MLLT3: variants seen among roughly 807,000 people sequenced by gnomAD.
MLLT3 encodes the protein MLLT3 super elongation complex subunit, also known as protein AF-9.
MLLT3 carries 4 observed loss-of-function variants against 53.2 expected under a neutral mutation model. The observed-to-expected ratio is 0.08, with a 90% CI of 0.04 to 0.17. The LOEUF (loss-of-function observed/expected upper bound fraction) is 0.17. Among genes scored for constraint, MLLT3 ranks in the 10% least tolerant of loss-of-function variants. The pLI, the probability that MLLT3 is intolerant of heterozygous loss-of-function variation, is 1.00. For missense variants in MLLT3, 569 were observed against 684.0 expected, an observed-to-expected ratio of 0.83 and a Z score of 1.87; for synonymous variants, 283 against 230.6, an observed-to-expected ratio of 1.23 and a Z score of -2.06.
At chr9:20,496,848 C>T (rs536930571) in intron 2 of MLLT3, among the ~76,000 whole-genome samples, 2 of 152,292 alleles carry the variant, frequency 1.3e-5, no homozygotes, top group African/African-American at 4.8e-5. Context: ...TTAGGCCCAA[C>T]ATACCTATAC....
chr9:20,454,261 G>A (rs1013729791), intron 3 of MLLT3, among the ~76,000 whole-genome samples: 3 of 151,834 alleles, frequency 2.0e-5, no homozygotes, highest in South Asian at 2.1e-4. Flanking sequence ...GTGTGCACAC[G>A]CATGCGTGTG....
At chr9:20,591,968 T>A (rs905824339) in intron 2 of MLLT3, among the ~76,000 whole-genome samples, 2 of 152,146 alleles carry the variant, frequency 1.3e-5, no homozygotes, top group Non-Finnish European at 2.9e-5. Flanking sequence ...AAGTCCAGCC[T>A]AGGCAACACA....
intron 2 of MLLT3, among the ~76,000 whole-genome samples, chr9:20,540,195 G>A (rs930970236): frequency 6.6e-6 from 1 of 152,240 alleles, no homozygotes; most frequent in African/African-American, 2.4e-5. Context: ...TTCACGGGCT[G>A]GTGTTGAGTG....
chr9:20,585,314 C>A (rs961365387), intron 2 of MLLT3, among the ~76,000 whole-genome samples: 2 of 152,116 alleles, frequency 1.3e-5, no homozygotes, highest in African/African-American at 2.4e-5. Context: ...AACATCCTGT[C>A]CCTTCTTATA....
intron 2 of MLLT3, among the ~76,000 whole-genome samples, chr9:20,493,840 G>A (rs1476508012): frequency 5.3e-5 from 8 of 151,990 alleles, no homozygotes; most frequent in Non-Finnish European, 1.0e-4. Flanking sequence ...CAATAGACAT[G>A]CATAATTTTT....
At chr9:20,599,490 C>G (rs910131758) in intron 2 of MLLT3, among the ~76,000 whole-genome samples, 1 of 150,174 alleles carries the variant, frequency 6.7e-6, no homozygotes, top group African/African-American at 2.4e-5. Context: ...CATGAAACCT[C>G]TCATGTTTCT....
intron 2 of MLLT3, among the ~76,000 whole-genome samples, chr9:20,481,973 C>T (rs988907940): frequency 2.6e-5 from 4 of 152,282 alleles, no homozygotes; most frequent in Admixed American, 2.6e-4. Flanking sequence ...CAAGAACATG[C>T]TGAAAAAATT....
chr9:20,587,371 T>A (rs1288370100), intron 2 of MLLT3, among the ~76,000 whole-genome samples: 2 of 152,066 alleles, frequency 1.3e-5, no homozygotes, highest in African/African-American at 4.8e-5. Context: ...ATTTTACAGA[T>A]AAGAAAGCAG....
intron 1 of MLLT3, chr9:20,622,002 G>C: frequency 2.2e-6 from 3 of 1,391,868 alleles, no homozygotes; most frequent in Non-Finnish European, 9.3e-7. Flanking sequence ...GGAGGCGCGG[G>C]GGGTGGAGGG....
chr9:20,356,952 C>T (rs1304247070), intron 8 of MLLT3, among the ~76,000 whole-genome samples: 1 of 152,200 alleles, frequency 6.6e-6, no homozygotes, highest in Non-Finnish European at 1.5e-5. Flanking sequence ...AGTTAATCTT[C>T]CTTCTTTGAT....
At chr9:20,447,716 G>A (rs879718970) in intron 4 of MLLT3, among the ~76,000 whole-genome samples, 2 of 152,084 alleles carry the variant, frequency 1.3e-5, no homozygotes, top group Non-Finnish European at 2.9e-5. Context: ...TAATAATTGT[G>A]ATCAAGAAAA....
intron 2 of MLLT3, among the ~76,000 whole-genome samples, chr9:20,526,632 T>C (rs751985023): frequency 6.6e-6 from 1 of 152,216 alleles, no homozygotes; most frequent in Non-Finnish European, 1.5e-5. Flanking sequence ...CTAGAAATAT[T>C]CTTGTACATG....
chr9:20,596,446 T>C (rs949029635), intron 2 of MLLT3, among the ~76,000 whole-genome samples: 1 of 152,190 alleles, frequency 6.6e-6, no homozygotes, highest in African/African-American at 2.4e-5. Context: ...TCCCAGCACT[T>C]TGGGAGGCCA....
chr9:20,426,608 T>C (rs1823143949), intron 4 of MLLT3, among the ~76,000 whole-genome samples: 1 of 152,144 alleles, frequency 6.6e-6, no homozygotes, highest in South Asian at 2.1e-4. Flanking sequence ...ATTTTATACA[T>C]ATTTATGAGG....
At chr9:20,467,118 A>C (rs981805141) in intron 2 of MLLT3, among the ~76,000 whole-genome samples, 4 of 152,148 alleles carry the variant, frequency 2.6e-5, no homozygotes, top group Non-Finnish European at 5.9e-5. Context: ...AAAAAACAAA[A>C]AGAGAGAGAG....
rs557082017 is a variant in MLLT3, at chr9:20,571,632, A to G, written c.193+49022T>C. ...CAGGCCCTGGTGTGTGATGTTCCCCATCCCGGGTCCATGTGTTTTCATTGT... is the reference window on the plus strand; with the variant it reads ...CAGGCCCTGGTGTGTGATGTTCCCCGTCCCGGGTCCATGTGTTTTCATTGT... On this transcript the variant is annotated intron_variant, in intron 2 of 10. Transcript: ENST00000380338. Among the ~76,000 whole-genome samples, 44 of 152,084 alleles carry G rather than the reference A, an allele frequency of 2.9e-4. 1 individual carries two copies. Among genetic ancestry groups the G allele is most frequent in the African/African-American group, 1.0e-3 (43 of 41,512 alleles).
chr9:20,348,383 G>C (rs1820930546), intron 10 of MLLT3, among the ~76,000 whole-genome samples: 1 of 152,170 alleles, frequency 6.6e-6, no homozygotes, highest in African/African-American at 2.4e-5. Context: ...AAAGGGTATG[G>C]ACAATGGGTA....
chr9:20,515,358 T>C (rs1374265255), intron 2 of MLLT3, among the ~76,000 whole-genome samples: 3 of 152,108 alleles, frequency 2.0e-5, no homozygotes, highest in Admixed American at 6.5e-5. Flanking sequence ...TTTGGCCAAG[T>C]TTGTTTTGAA....
chr9:20,356,016 T>C (rs1170364136), intron 8 of MLLT3, among the ~76,000 whole-genome samples: 1 of 152,186 alleles, frequency 6.6e-6, no homozygotes, highest in African/African-American at 2.4e-5. Context: ...TATTATTTAA[T>C]ATTTTTGGAC....
Sources: allele counts gnomAD v4.1 joint callset (sites outside exome capture counted in the v4.1 genomes callset), GRCh38; gene constraint gnomAD v4.1.1; transcripts MANE v1.5; gene names NCBI Gene and HGNC (gene_info 2026-07-23, HGNC 2026-07-21).